Variants in TACR1 observed in about 807,000 individuals in gnomAD.
TACR1 encodes the protein tachykinin receptor 1.
TACR1 carries 25 observed loss-of-function variants against 35.8 expected under a neutral mutation model. That is an observed-to-expected ratio of 0.70 (90% confidence interval 0.51 to 0.98). The LOEUF (loss-of-function observed/expected upper bound fraction) is 0.98. TACR1 is among the 50% of genes least tolerant of loss of function. The probability of loss-of-function intolerance (pLI) is 0.00; values close to 1 mark genes in which losing one functional copy is unlikely to be tolerated. For missense variants in TACR1, 478 were observed against 522.9 expected, an observed-to-expected ratio of 0.91 and a Z score of 0.84; for synonymous variants, 195 against 206.7, an observed-to-expected ratio of 0.94 and a Z score of 0.48.
At chr2:75,169,763 A>C (rs1324232298) in intron 1 of TACR1, among the ~76,000 whole-genome samples, 1 of 152,180 alleles carries the variant, frequency 6.6e-6, no homozygotes, top group Non-Finnish European at 1.5e-5. Context: ...TATGATAGCT[A>C]TTCAACTTAT....
Position 75,171,609 on chromosome 2 carries a change from G to A in TACR1, c.389+26937C>T, listed in dbSNP as rs377530406. 3.4e-3 allele frequency among the ~76,000 whole-genome samples: 521 copies of A among 152,324 alleles called. 3 individuals are homozygous for A. The highest frequency in any genetic ancestry group is 0.012 in the African/African-American group (480 of 41,574). The stretch of plus-strand genomic sequence containing the variant: ...AATGCCAGCCCATGAAAGCAGCCAG[G>A]AGGGGGACTGTACCCTGCAAAGCCA... On this transcript the variant is annotated intron_variant, in intron 1 of 4. Coordinates refer to ENST00000305249, the MANE Select transcript of TACR1 (RefSeq NM_001058.4).
chr2:75,052,795 C>G (rs17010695), intron 3 of TACR1, among the ~76,000 whole-genome samples: 26,855 of 151,404 alleles, frequency 0.18, 2,600 homozygotes, highest in South Asian at 0.25. Flanking sequence ...AAGCTTGGGA[C>G]CTGGGTAGAT....
rs892079911 is a variant in TACR1 at position 75,160,338 on chromosome 2, TGAAA to T, written c.389+38204_389+38207del. Among the ~76,000 whole-genome samples, 3 of 152,262 alleles carry T rather than the reference TGAAA, an allele frequency of 2.0e-5. No individual in the cohort carries two copies. In the East Asian group the frequency reaches 5.8e-4, roughly 29 times the overall value. On this transcript the variant is annotated intron_variant, in intron 1 of 4. Transcript: ENST00000305249. ...CTCAAAAGGCAGAAAAAAACAGTTTTGAAAGAAGATTTATAACAAATAAATCTTT... is the reference window on the plus strand; with the variant it reads ...CTCAAAAGGCAGAAAAAAACAGTTTTGAAGATTTATAACAAATAAATCTTT...
chr2:75,076,341 A>G (rs569336764), intron 2 of TACR1, among the ~76,000 whole-genome samples: 1 of 152,314 alleles, frequency 6.6e-6, no homozygotes, highest in South Asian at 2.1e-4. Flanking sequence ...GCCACTCTCA[A>G]ATCCCCCTTA....
intron 4 of TACR1, 148 bp downstream of exon 4, chr2:75,051,103 C>A (rs1672456105): frequency 2.0e-6 from 2 of 987,874 alleles, no homozygotes; most frequent in Admixed American, 4.4e-5. Flanking sequence ...ATCAGCCAGG[C>A]TGAGTTGTGT....
At chr2:75,143,722 G>T (rs1674453960) in intron 1 of TACR1, among the ~76,000 whole-genome samples, 1 of 152,206 alleles carries the variant, frequency 6.6e-6, no homozygotes. Context: ...GGCAAAAACC[G>T]CAATTACTTT....
chr2:75,096,026 T>C (rs1232982273), intron 2 of TACR1, among the ~76,000 whole-genome samples: 1 of 152,180 alleles, frequency 6.6e-6, no homozygotes. Flanking sequence ...CTCTAAGGCT[T>C]AGGATCAAGG....
chr2:75,167,028 A>G (rs1363587781), intron 1 of TACR1, among the ~76,000 whole-genome samples: 1 of 152,258 alleles, frequency 6.6e-6, no homozygotes, highest in African/African-American at 2.4e-5. Context: ...CAATAGCAAT[A>G]AATAAGACTA....
intron 2 of TACR1, among the ~76,000 whole-genome samples, chr2:75,081,898 C>CTT (rs573484307): frequency 7.5e-6 from 1 of 133,394 alleles, no homozygotes; most frequent in African/African-American, 2.7e-5. Flanking sequence ...ACCAACATTT[C>CTT]TTTTTTTTTT....
At chr2:75,061,491 T>C (rs895611906) in intron 2 of TACR1, among the ~76,000 whole-genome samples, 1 of 152,096 alleles carries the variant, frequency 6.6e-6, no homozygotes, top group Non-Finnish European at 1.5e-5. Context: ...GCTGTCTGTG[T>C]GTTTGGTTGA....
chr2:75,136,641 C>T (rs1212143479), intron 1 of TACR1, among the ~76,000 whole-genome samples: 6 of 152,162 alleles, frequency 3.9e-5, no homozygotes, highest in Non-Finnish European at 8.8e-5. Flanking sequence ...CAGCATCTCT[C>T]AAAGTCCCCT....
chr2:75,159,450 T>C (rs1346330896), intron 1 of TACR1, among the ~76,000 whole-genome samples: 1 of 152,204 alleles, frequency 6.6e-6, no homozygotes, highest in Non-Finnish European at 1.5e-5. Flanking sequence ...GAAACTAGTT[T>C]CTGTAAAACT....
At chr2:75,139,582 G>A (rs1674361701) in intron 1 of TACR1, among the ~76,000 whole-genome samples, 1 of 152,180 alleles carries the variant, frequency 6.6e-6, no homozygotes, top group Non-Finnish European at 1.5e-5. Context: ...ATGCCCTTAA[G>A]CCACTAGGTC....
At chr2:75,170,890 A>G (rs1163324594) in intron 1 of TACR1, among the ~76,000 whole-genome samples, 1 of 152,200 alleles carries the variant, frequency 6.6e-6, no homozygotes, top group Non-Finnish European at 1.5e-5. Context: ...ATTCAGTTTT[A>G]TGTAGTCACA....
intron 2 of TACR1, among the ~76,000 whole-genome samples, chr2:75,107,713 G>A (rs559183308): frequency 1.3e-5 from 2 of 152,042 alleles, no homozygotes; most frequent in African/African-American, 4.8e-5. Flanking sequence ...TTTATGGAAT[G>A]GAGACAAAAT....
At chr2:75,146,091 A>T (rs1443966236) in intron 1 of TACR1, among the ~76,000 whole-genome samples, 2 of 152,188 alleles carry the variant, frequency 1.3e-5, no homozygotes, top group East Asian at 3.8e-4. Context: ...GGAGGAAGGC[A>T]TAAAACCAGG....
At chr2:75,135,235 C>A (rs775942861) in intron 1 of TACR1, among the ~76,000 whole-genome samples, 3 of 152,200 alleles carry the variant, frequency 2.0e-5, no homozygotes, top group Non-Finnish European at 4.4e-5. Flanking sequence ...TTTTCAGCTA[C>A]TTAATCTTTC....
chr2:75,111,721 T>C (rs1273962207), intron 2 of TACR1, among the ~76,000 whole-genome samples: 1 of 151,958 alleles, frequency 6.6e-6, no homozygotes, highest in African/African-American at 2.4e-5. Context: ...TACTGTATAT[T>C]GTATTGTGCA....
chr2:75,049,311 A>T lies in TACR1; in HGVS notation c.*121T>A, dbSNP rs1398146476. ...GGAATGTTTTCCCTAACCCATACTG[A>T]CCCTTTTTGCAAGTCCCAGTGTGAG... On this transcript the variant is annotated 3_prime_UTR_variant, in exon 5 of 5. Coordinates refer to ENST00000305249, the MANE Select transcript of TACR1 (RefSeq NM_001058.4). 1 of 1,120,282 alleles carries T rather than the reference A, an allele frequency of 8.9e-7. No individual in the cohort carries two copies. The highest frequency in any genetic ancestry group is 2.4e-5 in the East Asian group (1 of 41,262). The allele number at this position is 1,120,282 out of a possible 1,614,324, so 69.4% of individuals were successfully genotyped here.
Sources: allele counts gnomAD v4.1 joint callset (sites outside exome capture counted in the v4.1 genomes callset), GRCh38; gene constraint gnomAD v4.1.1; transcripts MANE v1.5; gene names NCBI Gene and HGNC (gene_info 2026-07-23, HGNC 2026-07-21).